Variants in NCKAP5 observed in about 807,000 individuals in gnomAD.
NCKAP5 encodes the protein NCK associated protein 5, also known as nck-associated protein 5.
A neutral mutation model predicts 167.0 loss-of-function variants in NCKAP5; 92 were observed. The ratio of observed to expected loss-of-function variants is 0.55; its 90% CI spans 0.47 to 0.66. The LOEUF (loss-of-function observed/expected upper bound fraction) is 0.66. Ranked by LOEUF, NCKAP5 falls within the 30% of genes least tolerant of loss-of-function variation. The probability of loss-of-function intolerance (pLI) is 0.00; values close to 1 mark genes in which losing one functional copy is unlikely to be tolerated. For missense variants in NCKAP5, 2,378 were observed against 2,315.0 expected (o/e 1.03, Z -0.56); for synonymous variants, 891 against 877.4 (o/e 1.02, Z -0.27).
intron 16 of NCKAP5, among the ~76,000 whole-genome samples, chr2:132,741,355 G>A (rs374993848): frequency 6.6e-6 from 1 of 152,048 alleles, no homozygotes; most frequent in Non-Finnish European, 1.5e-5. Flanking sequence ...ATGCTAATAT[G>A]CCTCTCTTGA....
At position 133,502,894 on chromosome 2, in the gene NCKAP5, C is replaced by T. The variant is rs557728317; in HGVS notation, c.69+14564G>A. On this transcript the variant is annotated intron_variant, in intron 3 of 19. Transcript: ENST00000409261. ...TGTGCCTGGGGAGTGAGGTGGCTCC[C>T]TGCAGAGGAGGGACTTGGATGGAAG... Among the ~76,000 whole-genome samples, 4 of 152,318 alleles carry T rather than the reference C, an allele frequency of 2.6e-5. No individual in the cohort carries two copies. The South Asian group carries it at 6.2e-4, about 24-fold the overall frequency.
intron 7 of NCKAP5, among the ~76,000 whole-genome samples, chr2:132,985,613 G>C (rs2077265784): frequency 6.6e-6 from 1 of 152,170 alleles, no homozygotes; most frequent in Non-Finnish European, 1.5e-5. Flanking sequence ...TTGGTTATGA[G>C]AAATTCCGCC....
chr2:132,682,223 C>T (rs1685325690), intron 19 of NCKAP5, among the ~76,000 whole-genome samples: 1 of 152,056 alleles, frequency 6.6e-6, no homozygotes, highest in Non-Finnish European at 1.5e-5. Flanking sequence ...TGGTCACTAC[C>T]CAGGAAGCAC....
At chr2:133,183,156 T>C (rs1199936869) in intron 5 of NCKAP5, among the ~76,000 whole-genome samples, 3 of 152,036 alleles carry the variant, frequency 2.0e-5, no homozygotes, top group Admixed American at 6.6e-5. Flanking sequence ...CAGGCACAGA[T>C]GGTTTCACTA....
At chr2:133,400,901 C>T (rs1296572519) in intron 3 of NCKAP5, among the ~76,000 whole-genome samples, 1 of 152,020 alleles carries the variant, frequency 6.6e-6, no homozygotes, top group East Asian at 1.9e-4. Flanking sequence ...GCTTCTGAAC[C>T]CTTGGAATTT....
At position 132,783,827 on chromosome 2, in the gene NCKAP5, T is replaced by C. The variant is rs749997582; in HGVS notation, c.2984A>G (p.Lys995Arg). The change falls in exon 14 of 20, where the codon AAA becomes AGA. Residue 995 changes from lysine (K) to arginine (R), a missense_variant. Physicochemically the swap from Lys to Arg is conservative, Grantham distance 26. Transcript: ENST00000409261. ...AGGCTTTTTGAAGGCCACAGAAGGT[T>C]TCTTCCTCTGCACTTCTGTCGTGGC... is the stretch of plus-strand genomic sequence containing the variant. ...NPATTEVQRK[K>R]PSVAFKKPIF... is the part of the protein sequence containing the mutation. The C allele has an allele frequency of 6.5e-7, 1 of 1,533,260 alleles. No individual in the cohort carries two copies. Among genetic ancestry groups the C allele is most frequent in the South Asian group, 1.3e-5 (1 of 76,934 alleles). The allele number at this position is 1,533,260 out of a possible 1,614,324, so 95.0% of individuals were successfully genotyped here.
At chr2:133,577,596 C>G in the NCKAP5 span, among the ~76,000 whole-genome samples, 2 of 151,938 alleles carry the variant, frequency 1.3e-5, no homozygotes, top group African/African-American at 4.8e-5. Flanking sequence ...ACACATGTGC[C>G]ATGTTGGTGT....
At chr2:132,742,570 C>A (rs1041198147) in intron 16 of NCKAP5, among the ~76,000 whole-genome samples, 4 of 151,724 alleles carry the variant, frequency 2.6e-5, no homozygotes, top group African/African-American at 9.7e-5. Context: ...TTTAGCCTGC[C>A]TATATTACTG....
At chr2:133,239,541 A>G (rs1031012477) in intron 4 of NCKAP5, among the ~76,000 whole-genome samples, 2 of 152,220 alleles carry the variant, frequency 1.3e-5, no homozygotes, top group Non-Finnish European at 2.9e-5. Context: ...ACTAGACTAT[A>G]GGAAAATCAA....
chr2:133,320,034 A>G (rs1020116610), intron 3 of NCKAP5, among the ~76,000 whole-genome samples: 3 of 152,186 alleles, frequency 2.0e-5, no homozygotes, highest in Admixed American at 1.3e-4. Context: ...ACCAACTGCA[A>G]CAAGGGATGG....
At chr2:133,547,014 GGTGCGCGCACC>G (rs1381451458) in intron 2 of NCKAP5, among the ~76,000 whole-genome samples, 1 of 152,156 alleles carries the variant, frequency 6.6e-6, no homozygotes, top group East Asian at 1.9e-4. Flanking sequence ...CAGGCCAGTG[GGTGCGCGCACC>G]GTGCGCGAGC....
intron 10 of NCKAP5, among the ~76,000 whole-genome samples, chr2:132,866,471 A>C (rs1321354696): frequency 2.0e-5 from 3 of 152,216 alleles, no homozygotes; most frequent in Non-Finnish European, 4.4e-5. Flanking sequence ...GGTACAGTCC[A>C]TTCTCCTAAG....
intron 6 of NCKAP5, among the ~76,000 whole-genome samples, chr2:133,046,550 T>C (rs932964787): frequency 6.6e-6 from 1 of 152,050 alleles, no homozygotes; most frequent in African/African-American, 2.4e-5. Context: ...GGTTAATTTT[T>C]TAATTTTTTA....
intron 4 of NCKAP5, among the ~76,000 whole-genome samples, chr2:133,253,799 A>C (rs1434804479): frequency 6.6e-6 from 1 of 152,232 alleles, no homozygotes; most frequent in Non-Finnish European, 1.5e-5. Flanking sequence ...TTATAAATTC[A>C]AATGTGAGAA....
intron 3 of NCKAP5, among the ~76,000 whole-genome samples, chr2:133,359,356 TTG>T (rs1684945221): frequency 6.6e-6 from 1 of 152,228 alleles, no homozygotes; most frequent in African/African-American, 2.4e-5. Context: ...TCACTATTCT[TTG>T]TAATTTATTC....
intron 6 of NCKAP5, chr2:133,123,674 A>G (rs748777599): frequency 3.7e-5 from 16 of 433,276 alleles, no homozygotes; most frequent in Admixed American, 7.3e-5. Context: ...CCAGCCTCTG[A>G]GACAGGTCAA....
intron 5 of NCKAP5, among the ~76,000 whole-genome samples, chr2:133,197,766 T>G (rs560662389): frequency 6.6e-6 from 1 of 152,212 alleles, no homozygotes; most frequent in African/African-American, 2.4e-5. Context: ...CTGGACAACA[T>G]GATGAAACCC....
intron 6 of NCKAP5, among the ~76,000 whole-genome samples, chr2:133,088,145 A>G (rs2081057355): frequency 6.6e-6 from 1 of 152,186 alleles, no homozygotes; most frequent in Non-Finnish European, 1.5e-5. Context: ...TCAAAGATTA[A>G]CTGTAGAATC....
chr2:132,824,932 T>C (rs1687019048), intron 11 of NCKAP5, among the ~76,000 whole-genome samples: 1 of 152,210 alleles, frequency 6.6e-6, no homozygotes, highest in Non-Finnish European at 1.5e-5. Context: ...ATGGAGATTT[T>C]ATGGTTGTTT....
Sources: gnomAD v4.1 joint callset for allele counts (sites outside exome capture counted in the v4.1 genomes callset) on GRCh38, gnomAD v4.1.1 for gene constraint, MANE v1.5 for transcripts, NCBI Gene and HGNC (gene_info 2026-07-23, HGNC 2026-07-21) for gene names.